UBE2G1: variants seen among roughly 807,000 people sequenced by gnomAD.
The protein encoded by UBE2G1 is ubiquitin conjugating enzyme E2 G1.
In UBE2G1, 5 loss-of-function variants were observed where a neutral mutation model predicts 22.7. That is an observed-to-expected ratio of 0.22 (90% CI 0.12 to 0.46). The LOEUF (loss-of-function observed/expected upper bound fraction) is 0.46, where lower values mean the gene tolerates loss of function less well. UBE2G1 is among the 20% of genes least tolerant of loss of function. The pLI is 0.99. For synonymous variants in UBE2G1, 74 were observed against 67.5 expected (o/e 1.10, Z -0.47); for missense variants, 88 against 203.9 (o/e 0.43, Z 3.46).
intron 1 of UBE2G1, among the ~76,000 whole-genome samples, chr17:4,341,681 C>T (rs1969714266): frequency 6.6e-6 from 1 of 152,186 alleles, no homozygotes. Context: ...TAAGAGTTGT[C>T]TTCATTCCTT....
intron 1 of UBE2G1, among the ~76,000 whole-genome samples, chr17:4,322,823 G>A (rs930448533): frequency 6.6e-6 from 1 of 152,072 alleles, no homozygotes; most frequent in South Asian, 2.1e-4. Flanking sequence ...TAACAGTTAC[G>A]GTAATACTTC....
intron 5 of UBE2G1, among the ~76,000 whole-genome samples, chr17:4,281,539 C>T (rs1326716956): frequency 6.6e-6 from 1 of 152,066 alleles, no homozygotes; most frequent in Non-Finnish European, 1.5e-5. Context: ...CCCTCAACCC[C>T]CACAAATCAA....
At chr17:4,314,051 G>A (rs1001252178) in intron 1 of UBE2G1, among the ~76,000 whole-genome samples, 2 of 152,130 alleles carry the variant, frequency 1.3e-5, no homozygotes, top group African/African-American at 2.4e-5. Context: ...TTTCTGAATC[G>A]GAATTAGATG....
intron 2 of UBE2G1, among the ~76,000 whole-genome samples, chr17:4,300,268 C>G (rs181317577): frequency 2.1e-3 from 317 of 152,290 alleles, no homozygotes; most frequent in African/African-American, 7.1e-3. Context: ...TGTGGCCAGG[C>G]AAGGTGGCTC....
Position 4,271,287 on chromosome 17 carries a change from T to A in UBE2G1, c.*1267A>T, listed in dbSNP as rs530308432. 1 of 152,768 alleles carries A rather than the reference T, an allele frequency of 6.5e-6. No homozygotes were observed. Among genetic ancestry groups the A allele is most frequent in the South Asian group, 2.1e-4 (1 of 4,832 alleles). The allele number at this position is 152,768 out of a possible 1,614,324, so 9.5% of individuals were successfully genotyped here. A position where few individuals can be genotyped will look rare whatever the true frequency, so the allele number is the denominator to read the frequency against. On this transcript the variant is annotated 3_prime_UTR_variant, in exon 6 of 6. Transcript: ENST00000396981. ...ACAGAAGAATCTAGATAGAACCAAA[T>A]ACATATACTGCCATGGCCATGTGAT...
At chr17:4,360,483 G>C (rs1213265774) in intron 1 of UBE2G1, among the ~76,000 whole-genome samples, 4 of 152,048 alleles carry the variant, frequency 2.6e-5, no homozygotes, top group African/African-American at 9.7e-5. Context: ...GAAGTCAAAA[G>C]GCAACAATAT....
chr17:4,326,594 A>G (rs1969506040), intron 1 of UBE2G1, among the ~76,000 whole-genome samples: 1 of 152,230 alleles, frequency 6.6e-6, no homozygotes, highest in African/African-American at 2.4e-5. Flanking sequence ...TATATATGCA[A>G]AAGAATTAAA....
chr17:4,337,521 C>T (rs1286965502), intron 1 of UBE2G1, among the ~76,000 whole-genome samples: 3 of 151,482 alleles, frequency 2.0e-5, no homozygotes, highest in Middle Eastern at 3.4e-3. Context: ...GGTGCGGTGG[C>T]GCATGCCTGT....
At chr17:4,358,781 G>C (rs924950317) in intron 1 of UBE2G1, among the ~76,000 whole-genome samples, 3 of 152,002 alleles carry the variant, frequency 2.0e-5, no homozygotes, top group Non-Finnish European at 4.4e-5. Context: ...GAGAAACCCT[G>C]TCTCTATTAA....
intron 1 of UBE2G1, among the ~76,000 whole-genome samples, chr17:4,326,453 T>C (rs1709825959): frequency 6.6e-6 from 1 of 152,156 alleles, no homozygotes; most frequent in African/African-American, 2.4e-5. Context: ...GACAAGAATG[T>C]AGAGAAATTA....
chr17:4,362,613 T>C (rs1056827102), intron 1 of UBE2G1, among the ~76,000 whole-genome samples: 36 of 152,340 alleles, frequency 2.4e-4, no homozygotes, highest in African/African-American at 7.9e-4. Flanking sequence ...CGATATATTC[T>C]ACCAAGTAAT....
At chr17:4,284,136 G>C (rs1295711360) in intron 4 of UBE2G1, among the ~76,000 whole-genome samples, 1 of 136,964 alleles carries the variant, frequency 7.3e-6, no homozygotes, top group Non-Finnish European at 1.5e-5. Flanking sequence ...CAGCCTGAGC[G>C]ACAGAGCGAG....
intron 2 of UBE2G1, among the ~76,000 whole-genome samples, chr17:4,303,040 G>T (rs773268078): frequency 9.9e-5 from 15 of 152,026 alleles, no homozygotes; most frequent in African/African-American, 1.4e-4. Flanking sequence ...TGTGTCTAAG[G>T]GATACAGCCT....
chr17:4,332,604 C>T (rs533815508), intron 1 of UBE2G1, among the ~76,000 whole-genome samples: 4 of 152,200 alleles, frequency 2.6e-5, no homozygotes, highest in Non-Finnish European at 2.9e-5. Flanking sequence ...TTCAGCTAAC[C>T]GCTCTGCCAC....
intron 1 of UBE2G1, among the ~76,000 whole-genome samples, chr17:4,332,934 A>C (rs1186363064): frequency 6.6e-6 from 1 of 152,094 alleles, no homozygotes; most frequent in Non-Finnish European, 1.5e-5. Context: ...CTTTCTATTA[A>C]TTCTTCTCTC....
At chr17:4,347,476 T>C (rs1969791635) in intron 1 of UBE2G1, among the ~76,000 whole-genome samples, 1 of 141,716 alleles carries the variant, frequency 7.1e-6, no homozygotes, top group Non-Finnish European at 1.5e-5. Flanking sequence ...CTTCTTTTTT[T>C]TTTTTTTTTT....
chr17:4,295,542 CTA>C (rs1390439543), intron 3 of UBE2G1, among the ~76,000 whole-genome samples: 3 of 152,158 alleles, frequency 2.0e-5, no homozygotes, highest in African/African-American at 4.8e-5. Flanking sequence ...TTAAACTAAT[CTA>C]TATGTTTCTA....
At chr17:4,346,846 G>A (rs1234564914) in intron 1 of UBE2G1, among the ~76,000 whole-genome samples, 1 of 152,030 alleles carries the variant, frequency 6.6e-6, no homozygotes, top group Non-Finnish European at 1.5e-5. Context: ...ATTGTGTTAT[G>A]TGCTAGTGAT....
chr17:4,282,400 G>C (rs1567514370), intron 5 of UBE2G1, among the ~76,000 whole-genome samples: 2 of 152,114 alleles, frequency 1.3e-5, no homozygotes, highest in African/African-American at 4.8e-5. Context: ...CAACCTTAAA[G>C]GAATAGGTAG....
Sources: allele counts gnomAD v4.1 joint callset (sites outside exome capture counted in the v4.1 genomes callset), GRCh38; gene constraint gnomAD v4.1.1; transcripts MANE v1.5; gene names NCBI Gene and HGNC (gene_info 2026-07-23, HGNC 2026-07-21).